Variants in FER1L6 observed in about 807,000 individuals in gnomAD.
The protein encoded by FER1L6 is fer-1 like family member 6.
A neutral mutation model predicts 219.2 loss-of-function variants in FER1L6; 177 were observed. The ratio of observed to expected loss-of-function variants is 0.81; its 90% confidence interval spans 0.71 to 0.91. The LOEUF (loss-of-function observed/expected upper bound fraction) is 0.91, where lower values mean the gene tolerates loss of function less well. Ranked by LOEUF, FER1L6 falls within the 40% of genes least tolerant of loss-of-function variation. The pLI, the probability that FER1L6 is intolerant of heterozygous loss-of-function variation, is 0.00. For missense variants in FER1L6, 2,153 were observed against 2,259.9 expected, an observed-to-expected ratio of 0.95 and a Z score of 0.96; for synonymous variants, 768 against 824.3, an observed-to-expected ratio of 0.93 and a Z score of 1.17.
chr8:123,898,686 T>C (rs899659661), intron 1 of FER1L6, among the ~76,000 whole-genome samples: 26 of 146,154 alleles, frequency 1.8e-4, no homozygotes, highest in Non-Finnish European at 3.3e-4. Context: ...TATATACATA[T>C]ATGTACATAT....
At chr8:123,856,308 A>ATG (rs200449762) in intron 1 of FER1L6, among the ~76,000 whole-genome samples, 2 of 64,224 alleles carry the variant, frequency 3.1e-5, no homozygotes, top group African/African-American at 1.2e-4. Context: ...ATATATATAT[A>ATG]TGTATGTGTA....
At chr8:123,982,855 T>G in intron 11 of FER1L6, among the ~76,000 whole-genome samples, 1 of 152,178 alleles carries the variant, frequency 6.6e-6, no homozygotes, top group Non-Finnish European at 1.5e-5. Flanking sequence ...ATTCTGTGGA[T>G]CCTCCTACAG....
In FER1L6 at chr8:123,986,161, T is replaced by G. The variant is rs1358151795; in HGVS notation, c.1504T>G (p.Phe502Val). 6.2e-7 allele frequency: 1 copy of G among 1,608,486 alleles called. No homozygotes were observed. Among genetic ancestry groups the G allele is most frequent in the Non-Finnish European group, 8.5e-7 (1 of 1,174,882 alleles). ...GAAGATTGGAGATAAACCCATCAGC[T>G]TTGAAGTTTCTATTGGTAAGTACAG... ...DRKIGDKPIS[F>V]EVSIGNFGNL... Residue 502 changes from phenylalanine (F) to valine (V), a missense_variant, in exon 12 of 41, where the codon TTT becomes GTT. Physicochemically the swap from Phe to Val is conservative, Grantham distance 50. Coordinates refer to ENST00000522917, the MANE Select transcript of FER1L6 (RefSeq NM_001039112.2).
chr8:124,055,947 T>C (rs569394449), intron 22 of FER1L6, among the ~76,000 whole-genome samples: 2 of 152,150 alleles, frequency 1.3e-5, no homozygotes, highest in Non-Finnish European at 2.9e-5. Context: ...GACAGCTTCT[T>C]CAAGTCTCTC....
chr8:124,041,607 T>G (rs901281982), intron 20 of FER1L6, among the ~76,000 whole-genome samples: 1 of 152,118 alleles, frequency 6.6e-6, no homozygotes, highest in African/African-American at 2.4e-5. Flanking sequence ...CACTACACTA[T>G]GATAAGCCTC....
chr8:123,928,065 T>C (rs1365023792), intron 1 of FER1L6, among the ~76,000 whole-genome samples: 2 of 152,206 alleles, frequency 1.3e-5, no homozygotes, highest in African/African-American at 2.4e-5. Context: ...TTGTAAATTA[T>C]CTTTGAATGG....
intron 6 of FER1L6, among the ~76,000 whole-genome samples, chr8:123,972,816 T>C (rs1209426885): frequency 6.6e-6 from 1 of 152,210 alleles, no homozygotes; most frequent in Admixed American, 6.5e-5. Context: ...TTCAGCAGTT[T>C]CTCATACGTT....
At chr8:124,001,298 T>G (rs578012440) in intron 12 of FER1L6, among the ~76,000 whole-genome samples, 1 of 152,212 alleles carries the variant, frequency 6.6e-6, no homozygotes, top group African/African-American at 2.4e-5. Context: ...CAATCCTTTC[T>G]TCTGTTTCAG....
In FER1L6 at chr8:124,045,854, G is replaced by C. The variant is rs759863337; in HGVS notation, c.2677G>C (p.Glu893Gln). ...GCATGGAGATGTGAAGGAGCTGGCA[G>C]AGTCCCCGCCCTTAGTGGTGGTGGA... ...VLHGDVKELA[E>Q]SPPLVVVELY... Residue 893 changes from glutamate (E) to glutamine (Q), a missense_variant, in exon 21 of 41, where the codon GAG (glutamate) becomes CAG (glutamine). Physicochemically the swap from Glu to Gln is conservative, Grantham distance 29. Coordinates refer to ENST00000522917, the MANE Select transcript of FER1L6 (RefSeq NM_001039112.2). 3.4e-5 allele frequency: 55 copies of C among 1,613,972 alleles called. No homozygotes were observed. Among genetic ancestry groups the C allele is most frequent in the Non-Finnish European group, 4.6e-5 (54 of 1,180,022 alleles).
At chr8:124,001,214 A>G (rs918059418) in intron 12 of FER1L6, among the ~76,000 whole-genome samples, 3 of 152,166 alleles carry the variant, frequency 2.0e-5, no homozygotes, top group Admixed American at 1.3e-4. Context: ...CCAATAGCCT[A>G]TTCTCTGGCC....
intron 39 of FER1L6, among the ~76,000 whole-genome samples, chr8:124,114,894 CGTATATATATAT>C (rs1276327677): frequency 2.2e-3 from 67 of 30,966 alleles, no homozygotes; most frequent in African/African-American, 5.1e-3. Flanking sequence ...TGTGTGTGTG[CGTATATATATAT>C]ATATATATAT....
chr8:123,890,078 T>C (rs990417148), intron 1 of FER1L6, among the ~76,000 whole-genome samples: 4 of 152,146 alleles, frequency 2.6e-5, no homozygotes, highest in African/African-American at 9.6e-5. Flanking sequence ...AAAGATTCTT[T>C]TTTAATATAG....
intron 29 of FER1L6, 121 bp downstream of exon 29, chr8:124,069,596 C>T (rs185017333): frequency 2.6e-4 from 169 of 662,654 alleles, no homozygotes; most frequent in African/African-American, 1.4e-3. Context: ...TCATTGTCAC[C>T]GATGTAGAGA....
chr8:123,891,865 T>C (rs1812654940), intron 1 of FER1L6, among the ~76,000 whole-genome samples: 1 of 152,204 alleles, frequency 6.6e-6, no homozygotes, highest in Non-Finnish European at 1.5e-5. Context: ...GCCCAGAGAC[T>C]ATAGCAGAAG....
chr8:123,874,860 A>G (rs1047242353), intron 1 of FER1L6, among the ~76,000 whole-genome samples: 2 of 152,086 alleles, frequency 1.3e-5, no homozygotes, highest in African/African-American at 2.4e-5. Context: ...TTTTGATACT[A>G]TATGTTCCTC....
chr8:123,991,816 T>C (rs781461542), intron 12 of FER1L6, among the ~76,000 whole-genome samples: 2 of 152,178 alleles, frequency 1.3e-5, no homozygotes, highest in Non-Finnish European at 1.5e-5. Context: ...CAATATAATG[T>C]TGGCTGAGGG....
At chr8:123,878,920 G>T (rs1167615325) in intron 1 of FER1L6, among the ~76,000 whole-genome samples, 1 of 152,180 alleles carries the variant, frequency 6.6e-6, no homozygotes, top group Non-Finnish European at 1.5e-5. Context: ...CATGGCCTGT[G>T]CTAGGCTCTT....
Position 123,973,417 on chromosome 8 carries a change from GCTCT to G in FER1L6, c.448-9_448-6del. On this transcript the variant is annotated splice_polypyrimidine_tract_variant and intron_variant, in intron 6 of 40. Coordinates refer to ENST00000522917, the MANE Select transcript of FER1L6 (RefSeq NM_001039112.2). ...TCAAGGTAAATCTGCCATACTCCCTGCTCTCTCTCTCCTCAGGTCTTTCACCACA... is the reference window on the plus strand; with the variant it reads ...TCAAGGTAAATCTGCCATACTCCCTGCTCTCTCCTCAGGTCTTTCACCACA... The G allele has an allele frequency of 6.2e-7, 1 of 1,600,020 alleles. No individual in the cohort carries two copies. Among genetic ancestry groups the G allele is most frequent in the Non-Finnish European group, 8.6e-7 (1 of 1,167,278 alleles).
At chr8:124,086,271 C>T (rs1171258585) in intron 33 of FER1L6, among the ~76,000 whole-genome samples, 1 of 151,650 alleles carries the variant, frequency 6.6e-6, no homozygotes, top group Non-Finnish European at 1.5e-5. Context: ...TTGCTGTCTA[C>T]TCTTCCTTCT....
Sources: gnomAD v4.1 joint callset for allele counts (sites outside exome capture counted in the v4.1 genomes callset) on GRCh38, gnomAD v4.1.1 for gene constraint, MANE v1.5 for transcripts, NCBI Gene and HGNC (gene_info 2026-07-23, HGNC 2026-07-21) for gene names.